The following SDK1 variants were observed in gnomAD, a reference collection of about 807,000 sequenced individuals.
The protein encoded by SDK1 is sidekick cell adhesion molecule 1.
SDK1 carries 157 observed loss-of-function variants against 245.5 expected under a neutral mutation model. The ratio of observed to expected loss-of-function variants is 0.64; its 90% confidence interval spans 0.56 to 0.73. SDK1 has a LOEUF of 0.73. Among genes scored for constraint, SDK1 ranks in the 30% least tolerant of loss-of-function variants. The pLI is 0.00. For synonymous variants in SDK1, 1,647 were observed against 1,278.5 expected (o/e 1.29, Z -6.15); for missense variants, 3,583 against 3,002.3 (o/e 1.19, Z -4.52).
At chr7:4,249,827 A>G (rs1322597218) in intron 44 of SDK1, among the ~76,000 whole-genome samples, 1 of 152,230 alleles carries the variant, frequency 6.6e-6, no homozygotes, top group Non-Finnish European at 1.5e-5. Flanking sequence ...GCCAGCTCAC[A>G]TGGTAACATT....
chr7:3,753,146 G>A (rs560992093), intron 4 of SDK1, among the ~76,000 whole-genome samples: 1 of 152,190 alleles, frequency 6.6e-6, no homozygotes, highest in African/African-American at 2.4e-5. Context: ...ATATTTTCAG[G>A]AATGGTCATT....
At chr7:3,425,806 A>G (rs1779660175) in intron 1 of SDK1, among the ~76,000 whole-genome samples, 1 of 152,246 alleles carries the variant, frequency 6.6e-6, no homozygotes, top group Non-Finnish European at 1.5e-5. Flanking sequence ...GTAAAAAGCC[A>G]GCCATGATGA....
intron 1 of SDK1, among the ~76,000 whole-genome samples, chr7:3,447,020 C>A (rs73293189): frequency 0.018 from 2,745 of 152,090 alleles, 99 homozygotes; most frequent in African/African-American, 0.063. Context: ...GTGCAGTGGG[C>A]TTTAGGTTTC....
intron 13 of SDK1, among the ~76,000 whole-genome samples, chr7:3,979,667 C>T (rs557784252): frequency 2.0e-5 from 3 of 152,250 alleles, no homozygotes; most frequent in African/African-American, 4.8e-5. Flanking sequence ...TGTAAATTAA[C>T]AAGACAAGTC....
At chr7:4,183,136 C>T (rs941118090) in intron 35 of SDK1, among the ~76,000 whole-genome samples, 73 of 152,178 alleles carry the variant, frequency 4.8e-4, no homozygotes, top group African/African-American at 8.7e-4. Flanking sequence ...CACCTCTGAG[C>T]GGGGCCACAG....
chr7:3,442,543 G>A (rs1417171065), intron 1 of SDK1, among the ~76,000 whole-genome samples: 1 of 152,188 alleles, frequency 6.6e-6, no homozygotes, highest in Admixed American at 6.5e-5. Flanking sequence ...GTTGTATTGT[G>A]GTTGAGGGCA....
chr7:3,510,118 A>C (rs940508137), intron 1 of SDK1, among the ~76,000 whole-genome samples: 1 of 152,188 alleles, frequency 6.6e-6, no homozygotes, highest in Non-Finnish European at 1.5e-5. Flanking sequence ...CGACCTTATC[A>C]AAAGTAGGTC....
intron 4 of SDK1, among the ~76,000 whole-genome samples, chr7:3,653,645 C>T (rs771510080): frequency 1.5e-4 from 23 of 152,222 alleles, no homozygotes; most frequent in Non-Finnish European, 2.4e-4. Context: ...TGAGAATAAA[C>T]GCATCCCAAT....
At chr7:3,798,379 A>G (rs1426453937) in intron 4 of SDK1, among the ~76,000 whole-genome samples, 3 of 151,652 alleles carry the variant, frequency 2.0e-5, no homozygotes, top group Non-Finnish European at 4.4e-5. Flanking sequence ...CACCACGCCC[A>G]GCTAATTTTT....
At chr7:3,725,716 C>G (rs1450061579) in intron 4 of SDK1, among the ~76,000 whole-genome samples, 1 of 152,120 alleles carries the variant, frequency 6.6e-6, no homozygotes, top group Non-Finnish European at 1.5e-5. Flanking sequence ...ACTTCAGTTG[C>G]CGGAAGCCAA....
Position 4,079,339 on chromosome 7 carries a change from G to A in SDK1, c.3203-124G>A, listed in dbSNP as rs1780909081. On this transcript the variant is annotated intron_variant, in intron 21 of 44. Coordinates refer to ENST00000404826, the MANE Select transcript of SDK1 (RefSeq NM_152744.4). ...GCTTCTCACCTTCATGGTTTTGAGA[G>A]CAAATCCTTTTTTGGTATAGAATCG... 4.2e-6 allele frequency: 5 copies of A among 1,195,998 alleles called. No individual in the cohort carries two copies. In the African/African-American group the frequency reaches 8.1e-5, roughly 19 times the overall value. 74.1% of individuals were successfully genotyped at this position (1,195,998 alleles called of 1,614,324 possible).
intron 1 of SDK1, among the ~76,000 whole-genome samples, chr7:3,614,139 A>G (rs1781690855): frequency 6.6e-6 from 1 of 152,194 alleles, no homozygotes; most frequent in Non-Finnish European, 1.5e-5. Context: ...GTTAAAAATT[A>G]TGATGTTGTC....
In SDK1 at chr7:3,838,317, C is replaced by T. The variant is rs144742200; in HGVS notation, c.847+16734C>T. On this transcript the variant is annotated intron_variant, in intron 5 of 44. Transcript: ENST00000404826. ...GACTAAAGCGAAAGTACCTGAGCCA[C>T]GGTTGAGAGAAGCACAGTTTGCTCT... 4.3e-4 allele frequency among the ~76,000 whole-genome samples: 66 copies of T among 152,306 alleles called. 1 individual carries two copies. The East Asian group carries it at 0.012, about 27-fold the overall frequency.
At chr7:3,347,643 G>C (rs1440595743) in intron 1 of SDK1, among the ~76,000 whole-genome samples, 1 of 152,010 alleles carries the variant, frequency 6.6e-6, no homozygotes, top group Non-Finnish European at 1.5e-5. Context: ...TTTTAATTTT[G>C]TTCTGAATTT....
chr7:3,365,562 T>A (rs890921640), intron 1 of SDK1, among the ~76,000 whole-genome samples: 2 of 152,238 alleles, frequency 1.3e-5, no homozygotes, highest in African/African-American at 4.8e-5. Context: ...CTTAATGATA[T>A]CAACTTATTT....
intron 5 of SDK1, among the ~76,000 whole-genome samples, chr7:3,833,183 C>G (rs1021110892): frequency 1.3e-5 from 2 of 152,040 alleles, no homozygotes; most frequent in Non-Finnish European, 2.9e-5. Flanking sequence ...AGAATGAAGG[C>G]TTTTCCATTT....
chr7:3,585,962 T>A (rs1780675075), intron 1 of SDK1, among the ~76,000 whole-genome samples: 1 of 152,210 alleles, frequency 6.6e-6, no homozygotes, highest in Non-Finnish European at 1.5e-5. Flanking sequence ...GCTCTTTGTT[T>A]CAGCAAAACA....
In SDK1 at chr7:3,406,072, C is replaced by G. The variant is rs545653368; in HGVS notation, c.298+104188C>G. On this transcript the variant is annotated intron_variant, in intron 1 of 44. Transcript: ENST00000404826. The stretch of plus-strand genomic sequence containing the variant: ...AAGTGATCCACCTGCCTTGGCCTCC[C>G]AAAGTGCTGGGATTACAGGCGTGAG... Among the ~76,000 whole-genome samples, 3 of 152,228 alleles carry G rather than the reference C, an allele frequency of 2.0e-5. No individual in the cohort carries two copies. The South Asian group carries it at 6.2e-4, about 32-fold the overall frequency.
intron 2 of SDK1, among the ~76,000 whole-genome samples, chr7:3,625,194 C>G (rs1393539478): frequency 6.6e-6 from 1 of 151,690 alleles, no homozygotes. Flanking sequence ...GAAACATAAA[C>G]AAAGGGAATA....
Sources: gnomAD v4.1 joint callset for allele counts (sites outside exome capture counted in the v4.1 genomes callset) on GRCh38, gnomAD v4.1.1 for gene constraint, MANE v1.5 for transcripts, NCBI Gene and HGNC (gene_info 2026-07-23, HGNC 2026-07-21) for gene names.